ZNF91: variants seen among roughly 807,000 people sequenced by gnomAD.
ZNF91 encodes zinc finger protein 91, also known as zinc finger protein 91 (HPF7, HTF10).
ZNF91 carries 7 observed loss-of-function variants against 12.6 expected under a neutral mutation model. The ratio of observed to expected loss-of-function variants is 0.55; its 90% CI spans 0.31 to 1.04. The LOEUF (loss-of-function observed/expected upper bound fraction) is 1.04, where lower values mean the gene tolerates loss of function less well. Ranked by LOEUF, ZNF91 falls within the 50% of genes least tolerant of loss-of-function variation. The pLI is 0.05. For synonymous variants in ZNF91, 453 were observed against 462.6 expected, an observed-to-expected ratio of 0.98 and a Z score of 0.27; for missense variants, 1,217 against 1,385.4, an observed-to-expected ratio of 0.88 and a Z score of 1.93.
chr19:23,346,912 A>G (rs1568375785), intron 3 of ZNF91, among the ~76,000 whole-genome samples: 1 of 152,210 alleles, frequency 6.6e-6, no homozygotes, highest in Non-Finnish European at 1.5e-5. Context: ...AGCTCCGCAC[A>G]TCACCATGGT....
chr19:23,345,930 T>G (rs1488950155), intron 3 of ZNF91, among the ~76,000 whole-genome samples: 1 of 151,938 alleles, frequency 6.6e-6, no homozygotes, highest in Non-Finnish European at 1.5e-5. Flanking sequence ...GCCTGTTAAC[T>G]CAACCCCCCT....
chr19:23,361,206 T>C lies in ZNF91; in HGVS notation c.1773A>G (p.Thr591=). 1 of 1,613,618 alleles carries C rather than the reference T, an allele frequency of 6.2e-7. No individual in the cohort carries two copies. The highest frequency in any genetic ancestry group is 8.5e-7 in the Non-Finnish European group (1 of 1,179,784). Residue 591 remains threonine, a synonymous_variant, in exon 4 of 4, where the codon ACA becomes ACG. Coordinates refer to ENST00000300619, the MANE Select transcript of ZNF91 (RefSeq NM_003430.4). The part of the protein sequence containing the change: ...KAFNHSSSLS[T]HKIIHTGEKS... ...TCTCTCCAGTATGAATTATCTTATG[T>C]GTAGAAAGACTTGAGGAATGATTAA...
intron 3 of ZNF91, among the ~76,000 whole-genome samples, chr19:23,347,093 G>A (rs1968248926): frequency 6.6e-6 from 1 of 151,326 alleles, no homozygotes; most frequent in African/African-American, 2.4e-5. Flanking sequence ...ATGCCGGCAT[G>A]CTGGCTATGC....
At chr19:23,334,236 T>C (rs1053562015), downstream of ZNF91, among the ~76,000 whole-genome samples, 4 of 152,054 alleles carry the variant, frequency 2.6e-5, no homozygotes, top group East Asian at 1.9e-4. Flanking sequence ...CAAGAGAATA[T>C]AGTTTGGAAG....
chr19:23,334,082 A>C (rs1967966289), downstream of ZNF91, among the ~76,000 whole-genome samples: 1 of 152,208 alleles, frequency 6.6e-6, no homozygotes, highest in South Asian at 2.1e-4. Flanking sequence ...ATACCCTCAA[A>C]TGTACATGTT....
intron 1 of ZNF91, chr19:23,326,374 C>T (rs1967837475): frequency 6.6e-6 from 1 of 152,198 alleles, no homozygotes; most frequent in Non-Finnish European, 1.5e-5. Context: ...GTTATCCAGG[C>T]TGGTGTGCAG....
intron 1 of ZNF91, among the ~76,000 whole-genome samples, chr19:23,384,170 C>T (rs2145125418): frequency 6.6e-6 from 1 of 152,280 alleles, no homozygotes. Context: ...CAAACTATCC[C>T]TGTTTGCAGA....
At position 23,366,109 on chromosome 19, in the gene ZNF91, G is replaced by A. The variant is rs541147378; in HGVS notation, c.254-3384C>T. Reference sequence around the variant, plus strand: ...ACACCTCCCAGACGGGGTGGTGGCCGGGCAGAGGGGCTCCTCGCTTCCCAG... The same window carrying A: ...ACACCTCCCAGACGGGGTGGTGGCCAGGCAGAGGGGCTCCTCGCTTCCCAG... On this transcript the variant is annotated intron_variant, in intron 3 of 3. Transcript: ENST00000300619. Among the ~76,000 whole-genome samples the A allele has an allele frequency of 1.1e-4, 17 of 152,144 alleles. No individual in the cohort carries two copies. The South Asian group carries it at 2.7e-3, about 24-fold the overall frequency.
chr19:23,387,370 T>C (rs1224755463), intron 1 of ZNF91, among the ~76,000 whole-genome samples: 1 of 152,196 alleles, frequency 6.6e-6, no homozygotes, highest in African/African-American at 2.4e-5. Context: ...CTATTCACAA[T>C]AGCAAAGACA....
intron 1 of ZNF91, among the ~76,000 whole-genome samples, chr19:23,310,286 T>G (rs1441592522): frequency 6.6e-6 from 1 of 152,174 alleles, no homozygotes; most frequent in Non-Finnish European, 1.5e-5. Flanking sequence ...ATGATCATCC[T>G]TTCACAGCCC....
chr19:23,374,825 G>C, intron 1 of ZNF91, 61 bp from the exon 2 acceptor site: 3 of 1,586,806 alleles, frequency 1.9e-6, no homozygotes. Flanking sequence ...TTTTTCATTT[G>C]ACTCAAGGTA....
intron 2 of ZNF91, among the ~76,000 whole-genome samples, chr19:23,374,342 G>C (rs1969416948): frequency 7.1e-6 from 1 of 140,652 alleles, no homozygotes; most frequent in Admixed American, 7.8e-5. Flanking sequence ...AGGAGATCGA[G>C]ACCATCCTGT....
At chr19:23,387,848 C>T (rs1247190074) in intron 1 of ZNF91, among the ~76,000 whole-genome samples, 2 of 145,244 alleles carry the variant, frequency 1.4e-5, no homozygotes, top group African/African-American at 5.1e-5. Flanking sequence ...GAGGCTGAGA[C>T]AGGATAATTG....
intron 1 of ZNF91, chr19:23,324,886 G>T (rs1304585031): frequency 6.6e-6 from 1 of 151,722 alleles, no homozygotes; most frequent in African/African-American, 2.4e-5. Flanking sequence ...ATAACTATCC[G>T]CCCTTTTCAT....
At chr19:23,327,190 G>A (rs115508615) in intron 1 of ZNF91, 328 of 152,220 alleles carry the variant, frequency 2.2e-3, no homozygotes, top group African/African-American at 7.4e-3. Context: ...CTTGCTTGAT[G>A]TGTGTGCAAT....
chr19:23,335,243 T>C (rs763586840), downstream of ZNF91, among the ~76,000 whole-genome samples: 42 of 151,960 alleles, frequency 2.8e-4, no homozygotes, highest in Middle Eastern at 3.4e-3. Flanking sequence ...CTACAGGGAG[T>C]TGTCTCCCAG....
At chr19:23,379,893 G>A (rs1332985860) in intron 1 of ZNF91, among the ~76,000 whole-genome samples, 8 of 152,360 alleles carry the variant, frequency 5.3e-5, no homozygotes, top group African/African-American at 7.2e-5. Flanking sequence ...CACAGCACAC[G>A]GCTCACAGCT....
In ZNF91 at chr19:23,359,429, T is replaced by C; in HGVS notation, c.3550A>G (p.Asn1184Asp). ...RGQEMETILA[N>D]TVKPLLY is the part of the protein sequence containing the mutation. The stretch of plus-strand genomic sequence containing the variant: ...TAGTAGAGAAGGGGTTTCACTGTGT[T>C]AGCCAGGATGGTCTCCATCTCCTGA... Residue 1184 changes from asparagine (N) to aspartate (D), a missense_variant, in exon 4 of 4, where the codon AAC becomes GAC. Transcript: ENST00000300619. 2 of 1,327,466 alleles carry C rather than the reference T, an allele frequency of 1.5e-6. No individual in the cohort carries two copies. The highest frequency in any genetic ancestry group is 2.1e-6 in the Non-Finnish European group (2 of 932,262). 82.2% of individuals were successfully genotyped at this position (1,327,466 alleles called of 1,614,324 possible).
Position 23,361,367 on chromosome 19 carries a change from T to A in ZNF91, c.1612A>T (p.Ile538Leu), listed in dbSNP as rs1164680758. 1.2e-6 allele frequency: 2 copies of A among 1,613,678 alleles called. No homozygotes were observed. The highest frequency in any genetic ancestry group is 1.3e-5 in the African/African-American group (1 of 75,042). Reference protein sequence around the residue: ...RQSLTLNKHKIIHSREKPYKC... With the variant: ...RQSLTLNKHKLIHSREKPYKC... ...TAGGGTTTCTCTCTACTATGAATTA[T>A]CTTATGTTTATTAAGGGTTAAGGAT... is the stretch of plus-strand genomic sequence containing the variant. The change falls in exon 4 of 4, where the codon ATA becomes TTA. Residue 538 changes from isoleucine to leucine, a missense_variant. Around this residue, in one of 2 missense-constraint regions of ZNF91, gnomAD observed 726 missense variants for 895.5 expected, o/e 0.81. Transcript: ENST00000300619.
Sources: gnomAD v4.1 joint callset for allele counts (sites outside exome capture counted in the v4.1 genomes callset) on GRCh38, gnomAD v4.1.1 for gene constraint, gnomAD v4.1.1 regional missense constraint, MANE v1.5 for transcripts, NCBI Gene and HGNC (gene_info 2026-07-23, HGNC 2026-07-21) for gene names.